ZMYND11: variants seen among roughly 807,000 people sequenced by gnomAD.
ZMYND11 encodes the protein zinc finger MYND-type containing 11, also known as zinc finger MYND domain-containing protein 11.
A neutral mutation model predicts 84.9 loss-of-function variants in ZMYND11; 9 were observed. That is an observed-to-expected ratio of 0.11 (90% CI 0.06 to 0.18). The LOEUF (loss-of-function observed/expected upper bound fraction) is 0.18, where lower values mean the gene tolerates loss of function less well. Among genes scored for constraint, ZMYND11 ranks in the 10% least tolerant of loss-of-function variants. ZMYND11 has a pLI of 1.00. For missense variants in ZMYND11, 409 were observed against 761.0 expected (o/e 0.54, Z 5.44); for synonymous variants, 250 against 244.1 (o/e 1.02, Z -0.23).
intron 14 of ZMYND11, among the ~76,000 whole-genome samples, chr10:250,466 G>A (rs1396340256): frequency 1.3e-5 from 2 of 152,204 alleles, no homozygotes; most frequent in Non-Finnish European, 2.9e-5. Flanking sequence ...CTGCACTCCA[G>A]CCTGGGCGAT....
At chr10:239,005 TATGG>T (rs1950451052) in intron 6 of ZMYND11, among the ~76,000 whole-genome samples, 1 of 152,162 alleles carries the variant, frequency 6.6e-6, no homozygotes, top group Non-Finnish European at 1.5e-5. Context: ...TCTTAGTAGT[TATGG>T]TAAACTGTCA....
Position 248,888 on chromosome 10 carries a change from G to C in ZMYND11, c.1501-15G>C, listed in dbSNP as rs371996371. ...GTTGTGTGCTGACGCACTGTGGGTTGTCTTTTCATTCCAGCTGCGTTCTGA... is the reference window on the plus strand; with the variant it reads ...GTTGTGTGCTGACGCACTGTGGGTTCTCTTTTCATTCCAGCTGCGTTCTGA... On this transcript the variant is annotated splice_polypyrimidine_tract_variant and intron_variant, in intron 13 of 14. Coordinates refer to ENST00000381604, the MANE Select transcript of ZMYND11 (RefSeq NM_001370100.5). 199 of 1,597,024 alleles carry C rather than the reference G, an allele frequency of 1.2e-4. No individual in the cohort carries two copies. In the African/African-American group the frequency reaches 2.5e-3, roughly 20 times the overall value.
intron 2 of ZMYND11, among the ~76,000 whole-genome samples, chr10:187,815 GATA>G (rs1394201441): frequency 1.3e-5 from 2 of 152,206 alleles, no homozygotes; most frequent in Non-Finnish European, 2.9e-5. Context: ...TTGATTTAAT[GATA>G]ATATGAAATT....
chr10:242,507 A>AG (rs1164169140), intron 10 of ZMYND11, among the ~76,000 whole-genome samples: 1 of 152,232 alleles, frequency 6.6e-6, no homozygotes, highest in Non-Finnish European at 1.5e-5. Context: ...GCTCAGTTAA[A>AG]GACATATAGA....
At chr10:225,113 TAA>T (rs1039540966) in intron 4 of ZMYND11, among the ~76,000 whole-genome samples, 2 of 152,218 alleles carry the variant, frequency 1.3e-5, no homozygotes, top group African/African-American at 4.8e-5. Flanking sequence ...TTGCATTTTT[TAA>T]AGATAGAAAA....
chr10:172,993 C>T (rs554518301), intron 1 of ZMYND11, among the ~76,000 whole-genome samples: 1 of 151,604 alleles, frequency 6.6e-6, no homozygotes, highest in South Asian at 2.1e-4. Flanking sequence ...AAAAAATAGC[C>T]CTTGAGGAAA....
At chr10:137,977 T>C (rs1002266281) in intron 1 of ZMYND11, among the ~76,000 whole-genome samples, 1 of 152,208 alleles carries the variant, frequency 6.6e-6, no homozygotes, top group Non-Finnish European at 1.5e-5. Context: ...AATTGGACAA[T>C]TTATTTTTGC....
In ZMYND11 at chr10:213,114, G is replaced by A. The variant is rs566253458; in HGVS notation, c.276+3066G>A. ...ACTTTTTTTAATGTATGGCCAGTGC[G>A]TGGAGGTTGTTGCATATGGGGGTGC... is the stretch of plus-strand genomic sequence containing the variant. On this transcript the variant is annotated intron_variant, in intron 3 of 14. Coordinates refer to ENST00000381604, the MANE Select transcript of ZMYND11 (RefSeq NM_001370100.5). Among the ~76,000 whole-genome samples, 28 of 152,234 alleles carry A rather than the reference G, an allele frequency of 1.8e-4. No individual in the cohort carries two copies. In the South Asian group the frequency reaches 4.8e-3, roughly 26 times the overall value.
At chr10:152,918 C>T (rs1016046843) in intron 1 of ZMYND11, among the ~76,000 whole-genome samples, 11 of 152,180 alleles carry the variant, frequency 7.2e-5, no homozygotes, top group Non-Finnish European at 1.3e-4. Context: ...CACTCAAAAC[C>T]GCTCAACTAC....
rs1178826446 is a variant in ZMYND11, at chr10:236,839, G to C, written c.440G>C (p.Ser147Thr). The C allele has an allele frequency of 8.1e-6, 13 of 1,608,716 alleles. No homozygotes were observed. The highest frequency in any genetic ancestry group is 1.1e-5 in the Non-Finnish European group (13 of 1,177,386). ...SSPWQCPVCR[S>T]IKKKNTNKQE... The stretch of plus-strand genomic sequence containing the variant: ...TTTTTATTCTTTTTTTTTCAATAGA[G>C]CATTAAGAAGAAGAATACAAACAAA... The change falls in exon 5 of 15, where the codon AGC (serine) becomes ACC (threonine). Residue 147 changes from serine to threonine, a missense_variant and splice_region_variant. Physicochemically the swap from Ser to Thr is moderately conservative, Grantham distance 58. Coordinates refer to ENST00000381604, the MANE Select transcript of ZMYND11 (RefSeq NM_001370100.5).
intron 2 of ZMYND11, among the ~76,000 whole-genome samples, chr10:192,664 C>A (rs992522405): frequency 2.6e-5 from 4 of 152,240 alleles, no homozygotes; most frequent in African/African-American, 9.6e-5. Flanking sequence ...CCACCTCCGT[C>A]TTCGTGCTGG....
At chr10:140,304 G>A (rs538324603) in intron 1 of ZMYND11, among the ~76,000 whole-genome samples, 1 of 152,322 alleles carries the variant, frequency 6.6e-6, no homozygotes, top group East Asian at 1.9e-4. Flanking sequence ...TCATGGCTTA[G>A]CTGTGGTTTT....
At chr10:245,143 T>TC (rs1479082266) in intron 10 of ZMYND11, among the ~76,000 whole-genome samples, 2 of 152,236 alleles carry the variant, frequency 1.3e-5, no homozygotes, top group Admixed American at 1.3e-4. Context: ...GTTTAGTTTT[T>TC]CAAAGTTCAG....
chr10:205,375 C>T (rs1943940129), intron 2 of ZMYND11, among the ~76,000 whole-genome samples: 1 of 151,954 alleles, frequency 6.6e-6, no homozygotes, highest in Admixed American at 6.6e-5. Context: ...GGTAATGATA[C>T]CTCTTTTATT....
Position 210,027 on chromosome 10 carries a change from T to C in ZMYND11, c.255T>C (p.Tyr85=). Residue 85 remains tyrosine (Y), a synonymous_variant, in exon 3 of 15, where the codon TAT becomes TAC. Transcript: ENST00000381604. Reference sequence around the variant, plus strand: ...AAGCTGGTATTGAACAAGAAGGATATTGGTTGCCAGGAGATGAGATTGTAA... The same window carrying C: ...AAGCTGGTATTGAACAAGAAGGATACTGGTTGCCAGGAGATGAGATTGTAA... The part of the protein sequence containing the change: ...GSKAGIEQEG[Y]WLPGDEIDWE... The C allele has an allele frequency of 2.5e-6, 4 of 1,614,040 alleles. No individual in the cohort carries two copies. The highest frequency in any genetic ancestry group is 3.4e-6 in the Non-Finnish European group (4 of 1,179,942).
intron 1 of ZMYND11, among the ~76,000 whole-genome samples, chr10:171,750 T>G (rs1845371521): frequency 6.6e-6 from 1 of 152,150 alleles, no homozygotes. Flanking sequence ...AAGAATATCT[T>G]TACAAACCCT....
chr10:170,333 A>C (rs1844994635), intron 1 of ZMYND11, among the ~76,000 whole-genome samples: 1 of 152,154 alleles, frequency 6.6e-6, no homozygotes, highest in Admixed American at 6.6e-5. Flanking sequence ...AAGGCCATTC[A>C]AGAAGGAATA....
At chr10:148,255 G>A (rs1329364802) in intron 1 of ZMYND11, 1 of 151,310 alleles carries the variant, frequency 6.6e-6, no homozygotes, top group African/African-American at 2.4e-5. Context: ...AACTTCCTTT[G>A]CTCTGGGAAG....
chr10:251,132 G>A (rs963484153), intron 14 of ZMYND11, among the ~76,000 whole-genome samples: 1 of 152,204 alleles, frequency 6.6e-6, no homozygotes, highest in African/African-American at 2.4e-5. Flanking sequence ...AATAATGGAT[G>A]TCACGAGAAA....
Sources: gnomAD v4.1 joint callset for allele counts (sites outside exome capture counted in the v4.1 genomes callset) on GRCh38, gnomAD v4.1.1 for gene constraint, MANE v1.5 for transcripts, NCBI Gene and HGNC (gene_info 2026-07-23, HGNC 2026-07-21) for gene names.